ADGRG6: variants seen among roughly 807,000 people sequenced by gnomAD.
ADGRG6 encodes the protein G-protein coupled receptor 126.
Under a neutral mutation model 142.4 loss-of-function variants are expected in ADGRG6, and 84 were observed. The ratio of observed to expected loss-of-function variants is 0.59; its 90% confidence interval spans 0.49 to 0.71. ADGRG6 has a LOEUF of 0.71. Among genes scored for constraint, ADGRG6 ranks in the 30% least tolerant of loss-of-function variants. The pLI, the probability that ADGRG6 is intolerant of heterozygous loss-of-function variation, is 0.00. For missense variants in ADGRG6, 1,367 were observed against 1,466.6 expected (o/e 0.93, Z 1.11); for synonymous variants, 521 against 520.5 (o/e 1.00, Z -0.01).
chr6:142,329,492 A>G (rs1293676670), intron 2 of ADGRG6, among the ~76,000 whole-genome samples: 1 of 152,204 alleles, frequency 6.6e-6, no homozygotes, highest in Non-Finnish European at 1.5e-5. Flanking sequence ...AGCATCAGCC[A>G]TCTTCTGCAG....
chr6:142,362,598 C>A (rs1583037277), intron 2 of ADGRG6, among the ~76,000 whole-genome samples: 1 of 152,248 alleles, frequency 6.6e-6, no homozygotes, highest in East Asian at 1.9e-4. Flanking sequence ...GATGTCACAG[C>A]CAGATTGCCT....
At chr6:142,416,168 A>G in intron 20 of ADGRG6, 104 bp downstream of exon 20, 2 of 794,398 alleles carry the variant, frequency 2.5e-6, no homozygotes, top group Non-Finnish European at 4.0e-6. Context: ...CATTAAGAGG[A>G]ACCTCAAAAT....
intron 5 of ADGRG6, among the ~76,000 whole-genome samples, chr6:142,382,978 C>T (rs555324938): frequency 1.3e-5 from 2 of 151,144 alleles, no homozygotes; most frequent in African/African-American, 2.4e-5. Context: ...AATCAATACC[C>T]TATGAAAATT....
rs1554234627 is a variant in ADGRG6, at chr6:142,338,027, T to TTTGTTTTTTTTTTG, written c.103+28385_103+28386insGTTTTTTTTTTGTT. The stretch of plus-strand genomic sequence containing the variant: ...ATGCCTTGTATCTTTGTTTTTTTTT[T>TTTGTTTTTTTTTTG]TTTTTTTTTTTGAGACGGAGTCTCG... On this transcript the variant is annotated intron_variant, in intron 2 of 24. Transcript: ENST00000367609. Among the ~76,000 whole-genome samples, 26 of 58,004 alleles carry TTTGTTTTTTTTTTG rather than the reference T, an allele frequency of 4.5e-4. 3 individuals carry two copies. The highest frequency in any genetic ancestry group is 8.9e-4 in the Non-Finnish European group (26 of 29,196). 38.1% of individuals were successfully genotyped at this position (58,004 alleles called of 152,430 possible).
At chr6:142,337,510 T>G (rs189980153) in intron 2 of ADGRG6, among the ~76,000 whole-genome samples, 3 of 152,148 alleles carry the variant, frequency 2.0e-5, no homozygotes, top group Admixed American at 1.3e-4. Context: ...TAGTTCCTCC[T>G]TGTGAGGAGA....
chr6:142,441,955 C>G (rs991951985), intron 24 of ADGRG6, among the ~76,000 whole-genome samples: 1 of 152,148 alleles, frequency 6.6e-6, no homozygotes. Context: ...CTCTAGCATC[C>G]TTTAGTGTGG....
At chr6:142,422,915 GTGA>G (rs1354696265) in intron 22 of ADGRG6, among the ~76,000 whole-genome samples, 4 of 148,412 alleles carry the variant, frequency 2.7e-5, no homozygotes, top group Non-Finnish European at 4.5e-5. Flanking sequence ...CTGATGGCCA[GTGA>G]TGATGAGCAT....
chr6:142,428,602 T>C (rs1178281779), intron 22 of ADGRG6, among the ~76,000 whole-genome samples: 2 of 152,108 alleles, frequency 1.3e-5, no homozygotes, highest in Non-Finnish European at 2.9e-5. Flanking sequence ...CTTACAATCA[T>C]GGCAGCATGG....
At chr6:142,389,486 A>G (rs1384898975) in intron 6 of ADGRG6, among the ~76,000 whole-genome samples, 1 of 151,950 alleles carries the variant, frequency 6.6e-6, no homozygotes, top group African/African-American at 2.4e-5. Flanking sequence ...ATTTACAGCT[A>G]TTTAGCAAAC....
At chr6:142,341,372 A>G (rs1409644733) in intron 2 of ADGRG6, among the ~76,000 whole-genome samples, 4 of 127,612 alleles carry the variant, frequency 3.1e-5, no homozygotes, top group Admixed American at 9.8e-5. Context: ...AAGAATATAT[A>G]TTATATATAT....
chr6:142,320,981 A>G (rs1392220232), intron 2 of ADGRG6, among the ~76,000 whole-genome samples: 1 of 152,034 alleles, frequency 6.6e-6, no homozygotes, highest in Non-Finnish European at 1.5e-5. Flanking sequence ...ATAGATTCTC[A>G]TCACAAAAAT....
chr6:142,390,292 G>T lies in ADGRG6; in HGVS notation c.1257G>T (p.Gln419His), dbSNP rs756183754. ...TCTATAGAATATCCGTAGTGATTCA[G>T]AACATCCTTCGTCACCCTGAGGTAA... is the stretch of plus-strand genomic sequence containing the variant. ...GIIYRISVVIQNILRHPEVKV... is the reference protein window; with the variant it reads ...GIIYRISVVIHNILRHPEVKV... The change falls in exon 7 of 25, where the codon CAG becomes CAT. Residue 419 changes from glutamine to histidine, a missense_variant. Physicochemically the swap from Gln to His is conservative, Grantham distance 24 (BLOSUM62 0). Around this residue, in one of 3 missense-constraint regions of ADGRG6, gnomAD observed 737 missense variants for 746.5 expected, o/e 0.99. Transcript: ENST00000367609. 1 of 1,600,316 alleles carries T rather than the reference G, an allele frequency of 6.2e-7. No homozygotes were observed. Among genetic ancestry groups the T allele is most frequent in the Non-Finnish European group, 8.5e-7 (1 of 1,169,738 alleles).
At chr6:142,322,286 G>A (rs1176604237) in intron 2 of ADGRG6, among the ~76,000 whole-genome samples, 2 of 152,096 alleles carry the variant, frequency 1.3e-5, no homozygotes, top group African/African-American at 4.8e-5. Flanking sequence ...TGTGGTCCCA[G>A]TTTCTTGAGA....
intron 2 of ADGRG6, among the ~76,000 whole-genome samples, chr6:142,334,765 A>G (rs1582997392): frequency 6.6e-6 from 1 of 152,270 alleles, no homozygotes. Context: ...TTTCTCTTTC[A>G]TACTCAGTTT....
intron 2 of ADGRG6, among the ~76,000 whole-genome samples, chr6:142,338,558 A>G (rs1779460071): frequency 6.6e-6 from 1 of 151,372 alleles, no homozygotes. Context: ...TTGTGCTTAA[A>G]TAATAGTAGT....
At chr6:142,398,111 T>C (rs1051781631) in intron 10 of ADGRG6, among the ~76,000 whole-genome samples, 6 of 152,122 alleles carry the variant, frequency 3.9e-5, no homozygotes, top group African/African-American at 1.4e-4. Context: ...AGATAAATCT[T>C]ATAGAAGGAG....
chr6:142,377,975 TTTA>T (rs1244105109), intron 4 of ADGRG6, among the ~76,000 whole-genome samples: 1 of 152,190 alleles, frequency 6.6e-6, no homozygotes, highest in Non-Finnish European at 1.5e-5. Context: ...TAAAATAGTG[TTTA>T]TTGAGTGTTT....
chr6:142,372,910 A>G (rs553814514), intron 4 of ADGRG6, among the ~76,000 whole-genome samples: 11 of 152,340 alleles, frequency 7.2e-5, no homozygotes, highest in African/African-American at 2.2e-4. Flanking sequence ...TTATGGGACA[A>G]TGTTTTGAAG....
chr6:142,365,571 C>T (rs1036472256), intron 2 of ADGRG6, among the ~76,000 whole-genome samples: 2 of 152,148 alleles, frequency 1.3e-5, no homozygotes, highest in South Asian at 4.1e-4. Flanking sequence ...TGCTACAAAG[C>T]AGAGGAACAT....
Sources: allele counts gnomAD v4.1 joint callset (sites outside exome capture counted in the v4.1 genomes callset), GRCh38; gene constraint gnomAD v4.1.1; regional missense constraint gnomAD v4.1.1; transcripts MANE v1.5; gene names NCBI Gene and HGNC (gene_info 2026-07-23, HGNC 2026-07-21).